Variants in LPP observed in about 807,000 individuals in gnomAD.
LPP encodes the protein LIM domain containing preferred translocation partner in lipoma, also known as lipoma-preferred partner.
Under a neutral mutation model 60.4 loss-of-function variants are expected in LPP, and 38 were observed. The observed-to-expected ratio is 0.63, with a 90% CI of 0.49 to 0.83. The LOEUF (loss-of-function observed/expected upper bound fraction) is 0.83, where lower values mean the gene tolerates loss of function less well. Ranked by LOEUF, LPP falls within the 40% of genes least tolerant of loss-of-function variation. The pLI is 0.00. For missense variants in LPP, 902 were observed against 783.6 expected, an observed-to-expected ratio of 1.15 and a Z score of -1.80; for synonymous variants, 328 against 290.8, an observed-to-expected ratio of 1.13 and a Z score of -1.30.
chr3:188,735,754 A>G lies in LPP; in HGVS notation c.1241-24359A>G, dbSNP rs1206843371. Among the ~76,000 whole-genome samples, 3 of 152,206 alleles carry G rather than the reference A, an allele frequency of 2.0e-5. No individual in the cohort carries two copies. The East Asian group carries it at 5.8e-4, about 29-fold the overall frequency. On this transcript the variant is annotated intron_variant, in intron 8 of 11. Coordinates refer to ENST00000617246, the MANE Select transcript of LPP (RefSeq NM_001375462.1). Reference sequence around the variant, plus strand: ...AAATATTTTCATGATGATATGTCAGACATATGGAGTTTCAAACTAACACTG... The same window carrying G: ...AAATATTTTCATGATGATATGTCAGGCATATGGAGTTTCAAACTAACACTG...
At chr3:188,346,070 C>T (rs1764261127) in intron 3 of LPP, among the ~76,000 whole-genome samples, 1 of 152,010 alleles carries the variant, frequency 6.6e-6, no homozygotes, top group African/African-American at 2.4e-5. Flanking sequence ...AATGTGCAGC[C>T]AAGCCAGATC....
intron 8 of LPP, among the ~76,000 whole-genome samples, chr3:188,719,670 G>T (rs1231704904): frequency 2.0e-5 from 3 of 152,130 alleles, no homozygotes; most frequent in Non-Finnish European, 4.4e-5. Flanking sequence ...TGCTAATTAT[G>T]CATCTTCTGG....
At chr3:188,314,679 G>A (rs1326374558) in intron 2 of LPP, among the ~76,000 whole-genome samples, 1 of 151,816 alleles carries the variant, frequency 6.6e-6, no homozygotes, top group Non-Finnish European at 1.5e-5. Flanking sequence ...AAATTAGCTG[G>A]GCATGGTGTC....
chr3:188,735,028 A>G (rs1009504201), intron 8 of LPP, among the ~76,000 whole-genome samples: 3 of 152,212 alleles, frequency 2.0e-5, no homozygotes, highest in African/African-American at 7.2e-5. Flanking sequence ...GTCGTTGTTG[A>G]TCATAAGCAG....
At chr3:188,259,040 C>T (rs1732659227) in intron 2 of LPP, among the ~76,000 whole-genome samples, 1 of 152,108 alleles carries the variant, frequency 6.6e-6, no homozygotes, top group Non-Finnish European at 1.5e-5. Flanking sequence ...ATCTCTTCCC[C>T]TCACCAGATT....
At chr3:188,629,349 A>G (rs1847435948) in intron 7 of LPP, among the ~76,000 whole-genome samples, 1 of 152,162 alleles carries the variant, frequency 6.6e-6, no homozygotes, top group African/African-American at 2.4e-5. Context: ...AAGCTCCTTG[A>G]TCTGATAAAC....
chr3:188,378,131 C>T (rs1249940643), intron 3 of LPP, among the ~76,000 whole-genome samples: 4 of 152,206 alleles, frequency 2.6e-5, no homozygotes, highest in African/African-American at 9.6e-5. Flanking sequence ...GGGGTGCCTC[C>T]CAGTTAGGCT....
intron 8 of LPP, chr3:188,709,560 T>C (rs905197822): frequency 6.6e-6 from 1 of 152,220 alleles, no homozygotes; most frequent in Non-Finnish European, 1.5e-5. Flanking sequence ...TTTCGCCATG[T>C]TGGCCAGGCT....
intron 8 of LPP, chr3:188,708,661 C>T (rs745361374): frequency 1.5e-5 from 8 of 536,316 alleles, no homozygotes; most frequent in Admixed American, 3.2e-5. Context: ...TATTTTTTAC[C>T]AGTCTAGGCA....
intron 1 of LPP, among the ~76,000 whole-genome samples, chr3:188,190,467 T>C (rs1320662939): frequency 2.0e-5 from 3 of 152,164 alleles, no homozygotes; most frequent in Non-Finnish European, 4.4e-5. Context: ...GGGGTCTGAC[T>C]CCATGTCGCC....
intron 2 of LPP, among the ~76,000 whole-genome samples, chr3:188,319,009 C>T (rs947395344): frequency 2.0e-5 from 3 of 151,964 alleles, no homozygotes; most frequent in South Asian, 2.1e-4. Context: ...CCGCCCGCCT[C>T]GGCCTCCCAA....
chr3:188,834,007 A>T (rs1170227690), intron 9 of LPP, among the ~76,000 whole-genome samples: 4 of 152,188 alleles, frequency 2.6e-5, no homozygotes, highest in African/African-American at 7.2e-5. Context: ...CGGGAAGAAC[A>T]AGACCAAGAT....
At chr3:188,528,585 A>T (rs1821303107) in intron 6 of LPP, among the ~76,000 whole-genome samples, 1 of 152,200 alleles carries the variant, frequency 6.6e-6, no homozygotes, top group Admixed American at 6.5e-5. Context: ...ATATTTGGAC[A>T]GTACTGATTG....
chr3:188,607,405 AT>A (rs1560628790), intron 6 of LPP, among the ~76,000 whole-genome samples: 5,058 of 33,306 alleles, frequency 0.15, 331 homozygotes, highest in Non-Finnish European at 0.2. Flanking sequence ...ATATATATAT[AT>A]ATATATATAT....
chr3:188,639,288 G>T (rs1174345787), intron 7 of LPP, among the ~76,000 whole-genome samples: 94 of 149,750 alleles, frequency 6.3e-4, no homozygotes, highest in Non-Finnish European at 1.1e-3. Flanking sequence ...TTTAATAAAT[G>T]GTGCTGGGAA....
intron 5 of LPP, among the ~76,000 whole-genome samples, chr3:188,501,606 G>A (rs941102785): frequency 1.1e-4 from 16 of 152,212 alleles, no homozygotes; most frequent in East Asian, 3.9e-4. Flanking sequence ...AAAATTAGCC[G>A]GGCGTGGTGG....
At chr3:188,214,053 C>T (rs1020333209) in intron 1 of LPP, among the ~76,000 whole-genome samples, 1 of 150,978 alleles carries the variant, frequency 6.6e-6, no homozygotes, top group Non-Finnish European at 1.5e-5. Context: ...CGACCTATTA[C>T]GTCACCTCAG....
At chr3:188,442,771 G>A (rs1048828378) in intron 4 of LPP, among the ~76,000 whole-genome samples, 2 of 152,142 alleles carry the variant, frequency 1.3e-5, no homozygotes, top group South Asian at 2.1e-4. Flanking sequence ...CATTTTCAAC[G>A]TAAGCCCTTA....
intron 6 of LPP, among the ~76,000 whole-genome samples, chr3:188,548,437 C>T (rs1016090414): frequency 3.3e-5 from 5 of 152,062 alleles, no homozygotes; most frequent in African/African-American, 1.2e-4. Flanking sequence ...CTCTTGCGGT[C>T]GATGTTTTAG....
Sources: allele counts gnomAD v4.1 joint callset (sites outside exome capture counted in the v4.1 genomes callset), GRCh38; gene constraint gnomAD v4.1.1; transcripts MANE v1.5; gene names NCBI Gene and HGNC (gene_info 2026-07-23, HGNC 2026-07-21).